RIC8B: variants seen among roughly 807,000 people sequenced by gnomAD.
RIC8B encodes RIC8 guanine nucleotide exchange factor B.
RIC8B carries 16 observed loss-of-function variants against 57.5 expected under a neutral mutation model. That is an observed-to-expected ratio of 0.28 (90% CI 0.19 to 0.42). RIC8B has a LOEUF of 0.42. RIC8B is among the 10% of genes least tolerant of loss of function. RIC8B has a pLI of 1.00. For missense variants in RIC8B, 481 were observed against 677.0 expected (o/e 0.71, Z 3.21); for synonymous variants, 216 against 250.8 (o/e 0.86, Z 1.31).
chr12:106,800,690 G>T (rs976181943), intron 2 of RIC8B, among the ~76,000 whole-genome samples: 1 of 152,064 alleles, frequency 6.6e-6, no homozygotes, highest in African/African-American at 2.4e-5. Context: ...TACGTGCTTG[G>T]GCTATTAGAG....
At chr12:106,831,877 T>C (rs898412928) in intron 4 of RIC8B, among the ~76,000 whole-genome samples, 1 of 152,240 alleles carries the variant, frequency 6.6e-6, no homozygotes, top group Admixed American at 6.5e-5. Flanking sequence ...CTTTCTGTTA[T>C]CAAGCAACAC....
intron 2 of RIC8B, among the ~76,000 whole-genome samples, chr12:106,797,749 C>A (rs979557594): frequency 6.6e-6 from 1 of 152,136 alleles, no homozygotes; most frequent in Non-Finnish European, 1.5e-5. Context: ...AACATTTAAT[C>A]CTCACAACAA....
rs1950846819 is a variant in RIC8B, at chr12:106,879,992, T to TAC, written c.1572-5908_1572-5907dup. The TAC allele has an allele frequency of 1.0e-6, 1 of 976,182 alleles. No individual in the cohort carries two copies. Among genetic ancestry groups the TAC allele is most frequent in the Non-Finnish European group, 1.2e-6 (1 of 821,528 alleles). 60.5% of individuals were successfully genotyped at this position (976,182 alleles called of 1,614,324 possible). On this transcript the variant is annotated intron_variant, in intron 9 of 9. Transcript: ENST00000392837. This position sits in a 1 kb window ranked among gnomAD's most constrained non-coding sequence, Gnocchi z 4.9. Reference sequence around the variant, plus strand: ...TGCTATGTGAATATCTTAATCCTGATACACATTTCAATATACAGTATCTCC... The same window carrying TAC: ...TGCTATGTGAATATCTTAATCCTGATACACACATTTCAATATACAGTATCTCC...
intron 2 of RIC8B, chr12:106,798,125 A>G: frequency 1.5e-6 from 1 of 681,624 alleles, no homozygotes; most frequent in Non-Finnish European, 2.7e-6. Context: ...TACTGGCCTT[A>G]TAACACTTAG....
intron 8 of RIC8B, among the ~76,000 whole-genome samples, chr12:106,863,560 T>C (rs1205793726): frequency 6.6e-6 from 1 of 151,934 alleles, no homozygotes; most frequent in Non-Finnish European, 1.5e-5. Flanking sequence ...TTATTTTTAA[T>C]ATTAAATATT....
chr12:106,816,381 A>C (rs558475007), intron 3 of RIC8B, among the ~76,000 whole-genome samples: 99 of 152,314 alleles, frequency 6.5e-4, no homozygotes, highest in African/African-American at 2.4e-3. Context: ...TTGAAACTAA[A>C]TATTTGAATA....
At chr12:106,778,052 G>A (rs73397304) in intron 1 of RIC8B, among the ~76,000 whole-genome samples, 16,722 of 152,224 alleles carry the variant, frequency 0.11, 1,073 homozygotes, top group Middle Eastern at 0.16. Flanking sequence ...GATTAAATGA[G>A]TTACATGTGT....
intron 2 of RIC8B, among the ~76,000 whole-genome samples, chr12:106,792,822 A>G (rs1161855526): frequency 6.6e-6 from 1 of 152,156 alleles, no homozygotes; most frequent in Non-Finnish European, 1.5e-5. Context: ...AAAAGCAAGG[A>G]AAGTGAAAGT....
chr12:106,829,204 T>C (rs2046245934), intron 4 of RIC8B, among the ~76,000 whole-genome samples: 2 of 152,248 alleles, frequency 1.3e-5, no homozygotes, highest in Non-Finnish European at 1.5e-5. Context: ...CCACCTTTTT[T>C]GCTCCACTGA....
intron 3 of RIC8B, among the ~76,000 whole-genome samples, chr12:106,825,046 A>G (rs1247750758): frequency 6.6e-6 from 1 of 152,192 alleles, no homozygotes; most frequent in African/African-American, 2.4e-5. Context: ...TAAAATCTGG[A>G]AGAAGAAAGA....
chr12:106,874,145 C>A (rs1950565176), intron 9 of RIC8B, among the ~76,000 whole-genome samples: 1 of 152,166 alleles, frequency 6.6e-6, no homozygotes. Flanking sequence ...AAAAGTGAGA[C>A]TAGACCTTCA....
At chr12:106,844,321 G>A (rs935071408) in intron 6 of RIC8B, among the ~76,000 whole-genome samples, 1 of 152,190 alleles carries the variant, frequency 6.6e-6, no homozygotes, top group Non-Finnish European at 1.5e-5. Context: ...AACAAGGGAG[G>A]ACCTCTCTGA....
At chr12:106,796,694 G>A (rs534039660) in intron 2 of RIC8B, among the ~76,000 whole-genome samples, 2 of 152,224 alleles carry the variant, frequency 1.3e-5, no homozygotes, top group Middle Eastern at 3.4e-3. Context: ...AACATGAATT[G>A]GATTTCATCA....
At chr12:106,881,989 C>T (rs529784088) in intron 9 of RIC8B, among the ~76,000 whole-genome samples, 9 of 152,308 alleles carry the variant, frequency 5.9e-5, no homozygotes, top group Admixed American at 3.9e-4. Flanking sequence ...GGGCTCTCTG[C>T]CTGTTAATCA....
chr12:106,779,857 G>A (rs1294409970), intron 1 of RIC8B, among the ~76,000 whole-genome samples: 1 of 139,864 alleles, frequency 7.1e-6, no homozygotes, highest in Non-Finnish European at 1.5e-5. Flanking sequence ...GCTCCCCCAC[G>A]GGGGCCTGTT....
rs753341694 is a variant in RIC8B at position 106,814,903 on chromosome 12, A to G, written c.340A>G (p.Ile114Val). The G allele has an allele frequency of 1.4e-5, 23 of 1,614,102 alleles. No individual in the cohort carries two copies. The highest frequency in any genetic ancestry group is 1.9e-5 in the Non-Finnish European group (23 of 1,180,022). Residue 114 changes from isoleucine to valine, a missense_variant, in exon 3 of 10, where the codon ATT becomes GTT. Ile to Val is a conservative substitution (Grantham distance 29, BLOSUM62 3). Transcript: ENST00000392837. The part of the protein sequence containing the change: ...SLEKVSEFPV[I>V]VESLKCLCNI... Reference sequence around the variant, plus strand: ...GGAGAAAGTATCAGAGTTCCCAGTTATTGTGGAGTCATTAAAATGTCTGTG... The same window carrying G: ...GGAGAAAGTATCAGAGTTCCCAGTTGTTGTGGAGTCATTAAAATGTCTGTG...
chr12:106,876,610 A>G (rs1950675026), intron 9 of RIC8B, among the ~76,000 whole-genome samples: 1 of 152,152 alleles, frequency 6.6e-6, no homozygotes, highest in Non-Finnish European at 1.5e-5. Flanking sequence ...GGACCTTTCC[A>G]GTAGCTAGAC....
At chr12:106,856,727 T>C (rs1733204204) in intron 7 of RIC8B, among the ~76,000 whole-genome samples, 1 of 152,232 alleles carries the variant, frequency 6.6e-6, no homozygotes, top group African/African-American at 2.4e-5. Flanking sequence ...TCGGAGATCA[T>C]GTCCTACTCA....
chr12:106,881,327 C>T (rs182147475), intron 9 of RIC8B, among the ~76,000 whole-genome samples: 1 of 151,798 alleles, frequency 6.6e-6, no homozygotes, highest in Non-Finnish European at 1.5e-5. Flanking sequence ...TATACCGCAT[C>T]TCTTTTGAGT....
Sources: allele counts gnomAD v4.1 joint callset (sites outside exome capture counted in the v4.1 genomes callset), GRCh38; gene constraint gnomAD v4.1.1; non-coding constraint Gnocchi (gnomAD v3.1); transcripts MANE v1.5; gene names NCBI Gene and HGNC (gene_info 2026-07-23, HGNC 2026-07-21).